Variants in NLGN1 observed in about 807,000 individuals in gnomAD.
NLGN1 encodes the protein neuroligin 1.
NLGN1 carries 12 observed loss-of-function variants against 65.5 expected under a neutral mutation model. The ratio of observed to expected loss-of-function variants is 0.18; its 90% CI spans 0.12 to 0.30. The LOEUF (loss-of-function observed/expected upper bound fraction) is 0.30, where lower values mean the gene tolerates loss of function less well. NLGN1 is among the 10% of genes least tolerant of loss of function. The probability of loss-of-function intolerance (pLI) is 1.00; values close to 1 mark genes in which losing one functional copy is unlikely to be tolerated. For missense variants in NLGN1, 750 were observed against 1,007.1 expected, an observed-to-expected ratio of 0.74 and a Z score of 3.46; for synonymous variants, 350 against 359.5, an observed-to-expected ratio of 0.97 and a Z score of 0.30.
rs80202767 is a variant in NLGN1 at position 173,887,421 on chromosome 3, T to C, written c.646+79589T>C. On this transcript the variant is annotated intron_variant, in intron 4 of 6. Coordinates refer to ENST00000457714, the Ensembl canonical transcript of NLGN1. ...AATATGAACCTATTAGTTTTAGTGA[T>C]CATGAAAACAAATGCTTGGTGAATT... Among the ~76,000 whole-genome samples the C allele has an allele frequency of 9.5e-4, 145 of 152,096 alleles. 2 individuals carry two copies. In the East Asian group the frequency reaches 0.024, roughly 26 times the overall value.
At chr3:173,758,213 C>T (rs1265358171) in intron 3 of NLGN1, among the ~76,000 whole-genome samples, 1 of 151,990 alleles carries the variant, frequency 6.6e-6, no homozygotes, top group Non-Finnish European at 1.5e-5. Flanking sequence ...GGAGAGCCCT[C>T]ATCAGATATG....
chr3:173,660,363 A>ATTT (rs11388898), intron 3 of NLGN1, among the ~76,000 whole-genome samples: 2 of 149,796 alleles, frequency 1.3e-5, no homozygotes, highest in African/African-American at 4.9e-5. Context: ...TCCTTATTTT[A>ATTT]TTTTTTTTTT....
chr3:173,405,714 G>C (rs1718507709), intron 1 of NLGN1, among the ~76,000 whole-genome samples: 1 of 151,858 alleles, frequency 6.6e-6, no homozygotes, highest in South Asian at 2.1e-4. Flanking sequence ...AATAATAGTA[G>C]GATGAAAACA....
chr3:174,288,981 T>C (rs1752435975), downstream of NLGN1, among the ~76,000 whole-genome samples: 1 of 151,418 alleles, frequency 6.6e-6, no homozygotes, highest in Admixed American at 6.6e-5. Context: ...TACTATTAAA[T>C]TCTACCTCAT....
At chr3:174,056,734 T>C (rs891699788) in intron 4 of NLGN1, among the ~76,000 whole-genome samples, 9 of 152,060 alleles carry the variant, frequency 5.9e-5, no homozygotes, top group African/African-American at 9.7e-5. Context: ...AAGCACTATA[T>C]TTCAGACTTA....
intron 3 of NLGN1, among the ~76,000 whole-genome samples, chr3:173,607,673 A>C (rs1751598349): frequency 6.6e-6 from 1 of 151,710 alleles, no homozygotes; most frequent in Non-Finnish European, 1.5e-5. Context: ...GGGAGTCAAG[A>C]AATTATTAGT....
intron 4 of NLGN1, among the ~76,000 whole-genome samples, chr3:174,135,330 A>C (rs1721009004): frequency 6.6e-6 from 1 of 152,160 alleles, no homozygotes; most frequent in Admixed American, 6.6e-5. Flanking sequence ...CATACGATAG[A>C]ATTGTTTTTG....
At chr3:174,291,298 A>G (rs1752742741), downstream of NLGN1, among the ~76,000 whole-genome samples, 2 of 151,134 alleles carry the variant, frequency 1.3e-5, no homozygotes, top group Admixed American at 1.3e-4. Context: ...GAAAACCAAA[A>G]CAAGGAAACA....
intron 3 of NLGN1, among the ~76,000 whole-genome samples, chr3:173,716,636 A>G (rs1017363114): frequency 1.4e-4 from 22 of 152,218 alleles, no homozygotes; most frequent in African/African-American, 5.3e-4. Flanking sequence ...TCAGCGAGAC[A>G]CCCAACTCCT....
intron 2 of NLGN1, among the ~76,000 whole-genome samples, chr3:173,595,014 C>T (rs1456571998): frequency 6.6e-6 from 1 of 152,182 alleles, no homozygotes; most frequent in Admixed American, 6.5e-5. Context: ...GCCTCCAAGC[C>T]TGTGATGGGA....
chr3:174,099,289 G>T (rs886842141), intron 4 of NLGN1, among the ~76,000 whole-genome samples: 18 of 151,290 alleles, frequency 1.2e-4, no homozygotes, highest in African/African-American at 3.9e-4. Flanking sequence ...TAAGCATCGT[G>T]AATGAATTAT....
At chr3:173,446,270 T>A (rs972379457) in intron 2 of NLGN1, among the ~76,000 whole-genome samples, 2 of 145,294 alleles carry the variant, frequency 1.4e-5, no homozygotes, top group Non-Finnish European at 3.0e-5. Context: ...TGTGTCCATG[T>A]GTTCTCATTG....
chr3:173,800,386 A>T (rs772758089), intron 3 of NLGN1: 13 of 896,948 alleles, frequency 1.4e-5, no homozygotes, highest in Non-Finnish European at 1.8e-5. Context: ...TTGCATGACA[A>T]GGGCCTCAAT....
intron 4 of NLGN1, among the ~76,000 whole-genome samples, chr3:173,874,386 A>T (rs1578917917): frequency 6.6e-6 from 1 of 152,232 alleles, no homozygotes; most frequent in Non-Finnish European, 1.5e-5. Flanking sequence ...TAGAAAAGGA[A>T]CCAACCTTAT....
At chr3:173,797,686 A>G (rs1248306905) in intron 3 of NLGN1, among the ~76,000 whole-genome samples, 2 of 54,460 alleles carry the variant, frequency 3.7e-5, no homozygotes, top group Non-Finnish European at 1.1e-4. Context: ...AAATAAAACA[A>G]CAACAACAAC....
chr3:173,964,564 A>ATCCT (rs1476000425), intron 4 of NLGN1, among the ~76,000 whole-genome samples: 1 of 152,338 alleles, frequency 6.6e-6, no homozygotes, highest in East Asian at 1.9e-4. Flanking sequence ...TCTTAACAGC[A>ATCCT]TCCTGAGTAT....
At chr3:174,214,533 CA>C (rs1737257692) in intron 4 of NLGN1, among the ~76,000 whole-genome samples, 1 of 152,176 alleles carries the variant, frequency 6.6e-6, no homozygotes, top group African/African-American at 2.4e-5. Flanking sequence ...CCCATATTCA[CA>C]AGTCCTTTTG....
intron 4 of NLGN1, among the ~76,000 whole-genome samples, chr3:173,914,277 A>G (rs547839720): frequency 5.3e-5 from 8 of 152,114 alleles, no homozygotes; most frequent in Non-Finnish European, 7.4e-5. Flanking sequence ...CTGCCCCACT[A>G]CAACCTCTCA....
At chr3:173,662,900 G>A (rs988344608) in intron 3 of NLGN1, among the ~76,000 whole-genome samples, 4 of 152,114 alleles carry the variant, frequency 2.6e-5, no homozygotes, top group Middle Eastern at 3.4e-3. Context: ...GGTATTTGGA[G>A]AAATCCTAAA....
Sources: gnomAD v4.1 joint callset for allele counts (sites outside exome capture counted in the v4.1 genomes callset) on GRCh38, gnomAD v4.1.1 for gene constraint, MANE v1.5 for transcripts, NCBI Gene and HGNC (gene_info 2026-07-23, HGNC 2026-07-21) for gene names.